Variants in ADGRL4 observed in about 807,000 individuals in gnomAD.
ADGRL4 encodes EGF, latrophilin and seven transmembrane domain containing 1.
A neutral mutation model predicts 74.8 loss-of-function variants in ADGRL4; 90 were observed. The observed-to-expected ratio is 1.20, with a 90% CI of 1.02 to 1.43. The LOEUF is 1.43. Ranked by LOEUF, ADGRL4 falls within the 40% of genes most tolerant of loss-of-function variation. The probability of loss-of-function intolerance (pLI) is 0.00; values close to 1 mark genes in which losing one functional copy is unlikely to be tolerated. For missense variants in ADGRL4, 881 were observed against 814.3 expected, an observed-to-expected ratio of 1.08 and a Z score of -1.00; for synonymous variants, 311 against 279.2, an observed-to-expected ratio of 1.11 and a Z score of -1.14.
intron 2 of ADGRL4, among the ~76,000 whole-genome samples, chr1:79,001,175 AGGGGGGG>A (rs1236563525): frequency 1.7e-3 from 27 of 16,086 alleles, no homozygotes; most frequent in African/African-American, 5.7e-3. Context: ...AGGAAGGGAG[AGGGGGGG>A]GAGGGAGGGA....
At chr1:78,891,994 G>A (rs1427856170) in intron 13 of ADGRL4, among the ~76,000 whole-genome samples, 1 of 152,062 alleles carries the variant, frequency 6.6e-6, no homozygotes, top group African/African-American at 2.4e-5. Flanking sequence ...TTTGTCTGGT[G>A]TACTGCAGTG....
chr1:78,937,652 T>G (rs182790681), intron 6 of ADGRL4, among the ~76,000 whole-genome samples, 155 bp downstream of exon 6: 1 of 152,244 alleles, frequency 6.6e-6, no homozygotes, highest in Non-Finnish European at 1.5e-5. Context: ...ACAATGCTTT[T>G]GCAATATGCA....
chr1:78,981,779 T>C (rs1045586619), intron 2 of ADGRL4, among the ~76,000 whole-genome samples: 6 of 151,894 alleles, frequency 4.0e-5, no homozygotes, highest in South Asian at 2.1e-4. Context: ...TCTTGTGTTA[T>C]GAATTAAGTA....
At chr1:78,912,762 C>T (rs1322226823) in intron 12 of ADGRL4, among the ~76,000 whole-genome samples, 2 of 151,438 alleles carry the variant, frequency 1.3e-5, no homozygotes, top group African/African-American at 4.9e-5. Flanking sequence ...AGTCATGCAC[C>T]CCTACACTTT....
Position 78,893,083 on chromosome 1 carries a change from T to TA in ADGRL4, c.1841+14dup, listed in dbSNP as rs1648322222. 5 of 1,388,678 alleles carry TA rather than the reference T, an allele frequency of 3.6e-6. No individual in the cohort carries two copies. In the African/African-American group the frequency reaches 7.5e-5, roughly 21 times the overall value. 86.0% of individuals were successfully genotyped at this position (1,388,678 alleles called of 1,614,324 possible). ...CAAAAAAAAAAAAAAAAAGTGAACTTAAAGACGCATTTACCTTATGTTCTC... is the reference window on the plus strand; with the variant it reads ...CAAAAAAAAAAAAAAAAAGTGAACTTAAAAGACGCATTTACCTTATGTTCTC... On this transcript the variant is annotated intron_variant, in intron 13 of 14. Coordinates refer to ENST00000370742, the MANE Select transcript of ADGRL4 (RefSeq NM_022159.4).
chr1:79,002,740 T>C lies in ADGRL4; in HGVS notation c.172+2330A>G, dbSNP rs145751705. 1.7e-3 allele frequency among the ~76,000 whole-genome samples: 265 copies of C among 152,174 alleles called. 2 individuals are homozygous for C. Among genetic ancestry groups the C allele is most frequent in the East Asian group, 1.9e-3 (10 of 5,178 alleles). On this transcript the variant is annotated intron_variant, in intron 2 of 14. Coordinates refer to ENST00000370742, the MANE Select transcript of ADGRL4 (RefSeq NM_022159.4). Reference sequence around the variant, plus strand: ...GACTATAAGGCCTCTGTTAATTAATTTTCTGGACTCAGAGGAGAGTAGATA... The same window carrying C: ...GACTATAAGGCCTCTGTTAATTAATCTTCTGGACTCAGAGGAGAGTAGATA...
intron 2 of ADGRL4, among the ~76,000 whole-genome samples, chr1:78,993,400 T>C (rs968001160): frequency 6.6e-6 from 1 of 152,200 alleles, no homozygotes; most frequent in Non-Finnish European, 1.5e-5. Flanking sequence ...AATAGTTTAC[T>C]GAAGAATAAA....
chr1:78,932,613 C>CAAAAAAAAAA (rs557004722), intron 7 of ADGRL4, among the ~76,000 whole-genome samples: 3 of 57,300 alleles, frequency 5.2e-5, no homozygotes, highest in African/African-American at 1.1e-4. Flanking sequence ...AAAACCCCTC[C>CAAAAAAAAAA]AAAAAAAAAA....
intron 6 of ADGRL4, 107 bp downstream of exon 6, chr1:78,937,700 T>A (rs1472584747): frequency 2.1e-6 from 2 of 935,720 alleles, no homozygotes; most frequent in African/African-American, 3.3e-5. Context: ...CTACTTTCAA[T>A]GTAATCAATA....
chr1:78,952,002 A>G (rs1649733726), intron 2 of ADGRL4, among the ~76,000 whole-genome samples: 2 of 152,188 alleles, frequency 1.3e-5, no homozygotes, highest in South Asian at 4.1e-4. Context: ...GCTTTATAAG[A>G]CACTGGTATT....
rs1183045796 is a variant in ADGRL4 at position 78,956,572 on chromosome 1, A to C, written c.173-10146T>G. Among the ~76,000 whole-genome samples, 3 of 152,176 alleles carry C rather than the reference A, an allele frequency of 2.0e-5. No homozygotes were observed. The East Asian group carries it at 5.8e-4, about 29-fold the overall frequency. ...CTAACACTCATTTTGCAAATCTCTC[A>C]ATCTGTTCACTTTCTTCCCCATTTT... On this transcript the variant is annotated intron_variant, in intron 2 of 14. Coordinates refer to ENST00000370742, the MANE Select transcript of ADGRL4 (RefSeq NM_022159.4).
rs1438423042 is a variant in ADGRL4 at position 78,937,905 on chromosome 1, T to C, written c.662A>G (p.His221Arg). 5 of 1,614,040 alleles carry C rather than the reference T, an allele frequency of 3.1e-6. No individual in the cohort carries two copies. Among genetic ancestry groups the C allele is most frequent in the East Asian group, 2.2e-5 (1 of 44,844 alleles). ...DKLSVNHRRT[H>R]LTKLMHTVEQ... ...AACAGTGTGCATGAGTTTTGTAAGATGTGTTCTCCTATGATTCACAGATAA... is the reference window on the plus strand; with the variant it reads ...AACAGTGTGCATGAGTTTTGTAAGACGTGTTCTCCTATGATTCACAGATAA... Residue 221 changes from histidine to arginine, a missense_variant, in exon 6 of 15, where the codon CAT becomes CGT. By Grantham distance (29) the His-to-Arg change is conservative. Transcript: ENST00000370742.
At position 78,920,911 on chromosome 1, in the gene ADGRL4, G is replaced by A. The variant is rs189341691; in HGVS notation, c.1258-525C>T. On this transcript the variant is annotated intron_variant, in intron 9 of 14. Coordinates refer to ENST00000370742, the MANE Select transcript of ADGRL4 (RefSeq NM_022159.4). ...TAGATGAATACTTATGTTTATATAC[G>A]GAATAGATGTTTATTTGCTTAAGTT... Among the ~76,000 whole-genome samples, 16 of 151,772 alleles carry A rather than the reference G, an allele frequency of 1.1e-4. No individual in the cohort carries two copies. In the East Asian group the frequency reaches 2.3e-3, roughly 22 times the overall value.
intron 2 of ADGRL4, among the ~76,000 whole-genome samples, chr1:78,946,879 C>T (rs1649612769): frequency 6.6e-6 from 1 of 152,132 alleles, no homozygotes; most frequent in Admixed American, 6.6e-5. Flanking sequence ...AAAAAATTTG[C>T]ATTACTTGGC....
intron 2 of ADGRL4, among the ~76,000 whole-genome samples, chr1:79,001,505 A>G (rs2100743379): frequency 6.6e-6 from 1 of 152,308 alleles, no homozygotes; most frequent in African/African-American, 2.4e-5. Flanking sequence ...GACCTGAAGC[A>G]GTTAGTTTTG....
chr1:78,991,355 C>T (rs1376626333), intron 2 of ADGRL4, among the ~76,000 whole-genome samples: 3 of 151,908 alleles, frequency 2.0e-5, no homozygotes, highest in Non-Finnish European at 4.4e-5. Flanking sequence ...CATATTTTGG[C>T]GTTCTTTGTG....
intron 2 of ADGRL4, among the ~76,000 whole-genome samples, chr1:78,961,713 C>A (rs1265602524): frequency 6.6e-6 from 1 of 152,018 alleles, no homozygotes; most frequent in Non-Finnish European, 1.5e-5. Context: ...TCTTAAATGG[C>A]ACCATTGTAT....
intron 12 of ADGRL4, among the ~76,000 whole-genome samples, chr1:78,910,369 T>G (rs183823810): frequency 1.0e-3 from 155 of 151,856 alleles, no homozygotes; most frequent in Non-Finnish European, 1.6e-3. Flanking sequence ...AAAAAGTGAG[T>G]GGAGTTCTGG....
chr1:78,996,344 A>G (rs1048955425), intron 2 of ADGRL4, among the ~76,000 whole-genome samples: 1 of 152,176 alleles, frequency 6.6e-6, no homozygotes, highest in African/African-American at 2.4e-5. Context: ...AAGTCAGCTA[A>G]TATATTCCAT....
Sources: allele counts gnomAD v4.1 joint callset (sites outside exome capture counted in the v4.1 genomes callset), GRCh38; gene constraint gnomAD v4.1.1; transcripts MANE v1.5; gene names NCBI Gene and HGNC (gene_info 2026-07-23, HGNC 2026-07-21).